NRG3: variants seen among roughly 807,000 people sequenced by gnomAD.
NRG3 encodes pro-neuregulin-3, membrane-bound isoform.
A neutral mutation model predicts 66.9 loss-of-function variants in NRG3; 31 were observed. The observed-to-expected ratio is 0.46, with a 90% CI of 0.35 to 0.63. The LOEUF is 0.63. Among genes scored for constraint, NRG3 ranks in the 20% least tolerant of loss-of-function variants. The pLI is 0.00. For missense variants in NRG3, 910 were observed against 878.9 expected (o/e 1.04, Z -0.45); for synonymous variants, 393 against 359.4 (o/e 1.09, Z -1.06).
chr10:82,681,269 T>A (rs1316937928), intron 2 of NRG3, among the ~76,000 whole-genome samples: 1 of 152,098 alleles, frequency 6.6e-6, no homozygotes, highest in Non-Finnish European at 1.5e-5. Context: ...TTCTGTACAA[T>A]TTACTATATT....
chr10:82,618,683 A>T (rs998655215), intron 2 of NRG3, among the ~76,000 whole-genome samples: 2 of 152,158 alleles, frequency 1.3e-5, no homozygotes, highest in Admixed American at 1.3e-4. Flanking sequence ...AAAACTTCCA[A>T]TTCCAAACTT....
intron 6 of NRG3, among the ~76,000 whole-genome samples, chr10:82,961,694 T>G (rs546247885): frequency 6.6e-6 from 1 of 152,236 alleles, no homozygotes; most frequent in South Asian, 2.1e-4. Flanking sequence ...CACAATAACC[T>G]CCCTCAACAG....
At chr10:82,134,298 C>T (rs996722118) in intron 1 of NRG3, among the ~76,000 whole-genome samples, 5 of 152,024 alleles carry the variant, frequency 3.3e-5, no homozygotes, top group Non-Finnish European at 5.9e-5. Flanking sequence ...GCTTTCGTAG[C>T]GATTTCTTTT....
At chr10:82,315,331 G>A (rs1345383543) in intron 1 of NRG3, among the ~76,000 whole-genome samples, 1 of 152,190 alleles carries the variant, frequency 6.6e-6, no homozygotes, top group Non-Finnish European at 1.5e-5. Context: ...TTATTGAACA[G>A]CAGAGCTGAT....
chr10:81,991,879 C>T (rs962775153), intron 1 of NRG3, among the ~76,000 whole-genome samples: 1 of 151,964 alleles, frequency 6.6e-6, no homozygotes, highest in African/African-American at 2.4e-5. Flanking sequence ...TGTAAATTCC[C>T]AAGAACCAAT....
At chr10:82,333,827 A>C (rs2082256742) in intron 1 of NRG3, among the ~76,000 whole-genome samples, 2 of 152,152 alleles carry the variant, frequency 1.3e-5, no homozygotes, top group Admixed American at 6.5e-5. Flanking sequence ...AGGAAAAGAA[A>C]AACAGCATAC....
chr10:82,482,640 C>G (rs1490727889), intron 2 of NRG3, among the ~76,000 whole-genome samples: 3 of 152,140 alleles, frequency 2.0e-5, no homozygotes, highest in African/African-American at 7.2e-5. Flanking sequence ...TTCACCCAGA[C>G]CCACCCAGAC....
At chr10:82,713,119 C>CAAAAAAAAA (rs369968319) in intron 2 of NRG3, among the ~76,000 whole-genome samples, 10 of 55,358 alleles carry the variant, frequency 1.8e-4, no homozygotes, top group Non-Finnish European at 2.1e-4. Context: ...GACTTCATCT[C>CAAAAAAAAA]AAAAAAAAAA....
At chr10:82,478,158 A>G (rs1841954487) in intron 2 of NRG3, among the ~76,000 whole-genome samples, 1 of 150,510 alleles carries the variant, frequency 6.6e-6, no homozygotes, top group Non-Finnish European at 1.5e-5. Context: ...TAACTGGGTG[A>G]GATTTAGGAG....
intron 1 of NRG3, among the ~76,000 whole-genome samples, chr10:82,007,549 A>G (rs905324704): frequency 6.6e-6 from 1 of 152,184 alleles, no homozygotes; most frequent in Non-Finnish European, 1.5e-5. Context: ...ATGTGAAGGA[A>G]TATTACATGG....
intron 1 of NRG3, among the ~76,000 whole-genome samples, chr10:82,223,642 A>AAAAAAC (rs1225527774): frequency 7.3e-6 from 1 of 137,926 alleles, no homozygotes; most frequent in African/African-American, 2.8e-5. Flanking sequence ...AACCACCCCA[A>AAAAAAC]ACACACACAC....
chr10:82,940,702 A>G (rs1254919977), intron 4 of NRG3, among the ~76,000 whole-genome samples: 8 of 152,130 alleles, frequency 5.3e-5, no homozygotes, highest in Non-Finnish European at 5.9e-5. Context: ...TGCTTCATAA[A>G]TGATGCCTTC....
At chr10:82,810,400 T>C (rs1724956766) in intron 3 of NRG3, among the ~76,000 whole-genome samples, 1 of 152,198 alleles carries the variant, frequency 6.6e-6, no homozygotes, top group South Asian at 2.1e-4. Context: ...GCTGAGATGT[T>C]GCACTAGGTT....
intron 1 of NRG3, among the ~76,000 whole-genome samples, chr10:82,047,852 C>G (rs1334160217): frequency 2.6e-5 from 4 of 151,998 alleles, no homozygotes; most frequent in African/African-American, 9.7e-5. Context: ...TTCAGGAAAC[C>G]CATCTCACAT....
intron 1 of NRG3, among the ~76,000 whole-genome samples, chr10:82,125,386 A>C (rs1404119962): frequency 6.6e-6 from 1 of 152,024 alleles, no homozygotes; most frequent in African/African-American, 2.4e-5. Context: ...TAAATCATTC[A>C]GTCTATAAAC....
chr10:82,087,472 G>T (rs552252170), intron 1 of NRG3, among the ~76,000 whole-genome samples: 1 of 152,000 alleles, frequency 6.6e-6, no homozygotes, highest in South Asian at 2.1e-4. Flanking sequence ...ACCCTCTCCC[G>T]GCCTCTCAAG....
chr10:82,912,808 A>G (rs776600118), intron 4 of NRG3, among the ~76,000 whole-genome samples: 4 of 152,074 alleles, frequency 2.6e-5, no homozygotes, highest in Non-Finnish European at 5.9e-5. Context: ...CTTCTCTGTT[A>G]GCATATCAAT....
intron 1 of NRG3, among the ~76,000 whole-genome samples, chr10:81,889,838 C>T (rs890319150): frequency 2.6e-5 from 4 of 152,114 alleles, no homozygotes; most frequent in Non-Finnish European, 4.4e-5. Context: ...GAAAGGAAGG[C>T]GAAGCTGTAG....
At chr10:82,422,389 C>A (rs2089145509) in intron 2 of NRG3, among the ~76,000 whole-genome samples, 1 of 152,038 alleles carries the variant, frequency 6.6e-6, no homozygotes, top group African/African-American at 2.4e-5. Flanking sequence ...AGAATGGAAT[C>A]TAATGTGCAA....
Sources: allele counts gnomAD v4.1 joint callset (sites outside exome capture counted in the v4.1 genomes callset), GRCh38; gene constraint gnomAD v4.1.1; transcripts MANE v1.5; gene names NCBI Gene and HGNC (gene_info 2026-07-23, HGNC 2026-07-21).